ZMYM6: variants seen among roughly 807,000 people sequenced by gnomAD.
The protein encoded by ZMYM6 is zinc finger MYM-type protein 6.
Under a neutral mutation model 134.0 loss-of-function variants are expected in ZMYM6, and 90 were observed. The observed-to-expected ratio is 0.67, with a 90% CI of 0.57 to 0.80. The LOEUF is 0.80. ZMYM6 is among the 30% of genes least tolerant of loss of function. ZMYM6 has a pLI of 0.00. For synonymous variants in ZMYM6, 481 were observed against 524.1 expected, an observed-to-expected ratio of 0.92 and a Z score of 1.12; for missense variants, 1,362 against 1,533.9, an observed-to-expected ratio of 0.89 and a Z score of 1.87.
Position 35,031,849 on chromosome 1 carries a change from G to C in ZMYM6, c.-109C>G, listed in dbSNP as rs1319221532. 1 of 152,414 alleles carries C rather than the reference G, an allele frequency of 6.6e-6. No homozygotes were observed. Among genetic ancestry groups the C allele is most frequent in the East Asian group, 1.9e-4 (1 of 5,202 alleles). The allele number at this position is 152,414 out of a possible 1,614,324, so 9.4% of individuals were successfully genotyped here. A position where few individuals can be genotyped will look rare whatever the true frequency, so the allele number is the denominator to read the frequency against. Reference sequence around the variant, plus strand: ...CCTCCCTGCTACCGGAGGAGCACTGGAATAGGAACCAAGTCCTCTGCATCT... The same window carrying C: ...CCTCCCTGCTACCGGAGGAGCACTGCAATAGGAACCAAGTCCTCTGCATCT... On this transcript the variant is annotated 5_prime_UTR_variant, in exon 1 of 16. Coordinates refer to ENST00000357182, the MANE Select transcript of ZMYM6 (RefSeq NM_007167.4).
At chr1:35,028,317 CAA>C (rs200029753) in intron 2 of ZMYM6, among the ~76,000 whole-genome samples, 4 of 106,954 alleles carry the variant, frequency 3.7e-5, no homozygotes, top group Non-Finnish European at 6.0e-5. Context: ...GACTCCATCT[CAA>C]AAAAAAAAAA....
chr1:35,008,629 C>T (rs1277281865), intron 11 of ZMYM6, 123 bp downstream of exon 11: 1 of 901,560 alleles, frequency 1.1e-6, no homozygotes, highest in Non-Finnish European at 1.6e-6. Flanking sequence ...TCTATTATAG[C>T]CCATAACTTA....
At chr1:35,025,944 T>C (rs1454707470) in intron 2 of ZMYM6, among the ~76,000 whole-genome samples, 1 of 152,166 alleles carries the variant, frequency 6.6e-6, no homozygotes, top group African/African-American at 2.4e-5. Context: ...TGTTCAAGTA[T>C]TATGGATTAC....
At chr1:35,019,902 T>A (rs922975330) in intron 3 of ZMYM6, among the ~76,000 whole-genome samples, 11 of 152,072 alleles carry the variant, frequency 7.2e-5, no homozygotes, top group African/African-American at 2.7e-4. Context: ...ACACCTGAGC[T>A]CAAGCGATCC....
intron 6 of ZMYM6, chr1:35,013,575 T>C: frequency 2.0e-6 from 2 of 985,452 alleles, no homozygotes; most frequent in Non-Finnish European, 2.4e-6. Context: ...GAGATTCTTT[T>C]CAGTGATGAA....
In ZMYM6 at chr1:35,014,818, T is replaced by C. The variant is rs771758336; in HGVS notation, c.674A>G (p.His225Arg). 3 of 1,614,002 alleles carry C rather than the reference T, an allele frequency of 1.9e-6. No homozygotes were observed. The highest frequency in any genetic ancestry group is 1.3e-5 in the African/African-American group (1 of 74,900). Residue 225 changes from histidine to arginine, a missense_variant, in exon 6 of 16, where the codon CAC becomes CGC. By Grantham distance (29) the His-to-Arg change is conservative. Around this residue, in one of 3 missense-constraint regions of ZMYM6, gnomAD observed 503 missense variants for 520.8 expected, o/e 0.97. Coordinates refer to ENST00000357182, the MANE Select transcript of ZMYM6 (RefSeq NM_007167.4). ...GTTCATGGTGAGGTTGTTTGTAGAG[T>C]GAAATTTTGAAAAACAGGCATCACT... ...LCSDACFSKFHSTNNLTMNCC... is the reference protein window; with the variant it reads ...LCSDACFSKFRSTNNLTMNCC...
At chr1:35,019,748 C>T (rs1641272026) in intron 3 of ZMYM6, 146 bp from the exon 4 acceptor site, 7 of 1,009,806 alleles carry the variant, frequency 6.9e-6, no homozygotes, top group Non-Finnish European at 9.7e-6. Context: ...TCAAGGCTCA[C>T]TGAAGCCTCA....
intron 2 of ZMYM6, chr1:35,030,329 G>A (rs1431842296): frequency 3.8e-6 from 2 of 521,912 alleles, no homozygotes; most frequent in South Asian, 2.7e-5. Flanking sequence ...CTACACAGGA[G>A]GCTGAGGTGG....
chr1:35,024,996 G>A (rs1395049063), intron 2 of ZMYM6, among the ~76,000 whole-genome samples: 1 of 151,940 alleles, frequency 6.6e-6, no homozygotes, highest in Non-Finnish European at 1.5e-5. Context: ...AGCCTCCCCA[G>A]TAGCTGAGAT....
chr1:34,991,133 G>C (rs748743273), intron 15 of ZMYM6, among the ~76,000 whole-genome samples: 9 of 151,980 alleles, frequency 5.9e-5, no homozygotes, highest in Non-Finnish European at 1.0e-4. Context: ...CAAAGTGCTG[G>C]GATTATAGGC....
At chr1:35,011,807 G>T in intron 8 of ZMYM6, 83 bp downstream of exon 8, 2 of 970,882 alleles carry the variant, frequency 2.1e-6, no homozygotes, top group South Asian at 6.5e-5. Flanking sequence ...ACTTTCATAA[G>T]AACAGGCCTT....
At chr1:35,009,652 G>A (rs2148452377) in intron 10 of ZMYM6, among the ~76,000 whole-genome samples, 1 of 152,216 alleles carries the variant, frequency 6.6e-6, no homozygotes, top group East Asian at 1.9e-4. Context: ...CTGACTTTCA[G>A]CCAGGCACAG....
Position 35,014,743 on chromosome 1 carries a change from T to G in ZMYM6, c.749A>C (p.Gln250Pro). Residue 250 changes from glutamine to proline, a missense_variant, in exon 6 of 16, where the codon CAA becomes CCA. By Grantham distance (76) the Gln-to-Pro change is moderately conservative (BLOSUM62 -1). This residue lies in a region of ZMYM6 where 503 missense variants were observed against 520.8 expected (regional missense o/e 0.97). Coordinates refer to ENST00000357182, the MANE Select transcript of ZMYM6 (RefSeq NM_007167.4). The part of the protein sequence containing the change: ...SYCYSSSGPC[Q>P]SQKVFSSTSV... ...TGTTGAACTAAAAACCTTCTGGGATTGGCAAGGACCAGAGCTACTATAGCA... is the reference window on the plus strand; with the variant it reads ...TGTTGAACTAAAAACCTTCTGGGATGGGCAAGGACCAGAGCTACTATAGCA... 1 of 1,614,132 alleles carries G rather than the reference T, an allele frequency of 6.2e-7. No homozygotes were observed. Among genetic ancestry groups the G allele is most frequent in the Non-Finnish European group, 8.5e-7 (1 of 1,180,016 alleles).
intron 6 of ZMYM6, 101 bp downstream of exon 6, chr1:35,014,596 T>C: frequency 4.4e-6 from 5 of 1,126,008 alleles, no homozygotes; most frequent in Non-Finnish European, 6.3e-6. Context: ...CATATCAGGA[T>C]GGACTAATGG....
At chr1:34,991,417 C>T (rs910372616) in intron 15 of ZMYM6, among the ~76,000 whole-genome samples, 4 of 152,160 alleles carry the variant, frequency 2.6e-5, no homozygotes, top group East Asian at 1.9e-4. Context: ...AAACTTACTA[C>T]TTGTTGACAG....
In ZMYM6 at chr1:34,990,901, G is replaced by A. The variant is rs567761116; in HGVS notation, c.2146+1333C>T. Among the ~76,000 whole-genome samples, 9 of 152,266 alleles carry A rather than the reference G, an allele frequency of 5.9e-5. No individual in the cohort carries two copies. In the South Asian group the frequency reaches 1.9e-3, roughly 32 times the overall value. On this transcript the variant is annotated intron_variant, in intron 15 of 15. Coordinates refer to ENST00000357182, the MANE Select transcript of ZMYM6 (RefSeq NM_007167.4). Reference sequence around the variant, plus strand: ...TTAAAAGAGACGGAGTTTCACTCTTGTTGCCCAGGTTGGAGCACAATGGCG... The same window carrying A: ...TTAAAAGAGACGGAGTTTCACTCTTATTGCCCAGGTTGGAGCACAATGGCG...
At chr1:34,993,461 A>G (rs957963166) in intron 14 of ZMYM6, among the ~76,000 whole-genome samples, 1 of 152,190 alleles carries the variant, frequency 6.6e-6, no homozygotes, top group African/African-American at 2.4e-5. Context: ...ATCAAAGTAG[A>G]AAAGACTGAT....
At chr1:34,992,695 TAAA>T (rs1261504697) in intron 14 of ZMYM6, among the ~76,000 whole-genome samples, 2 of 139,630 alleles carry the variant, frequency 1.4e-5, no homozygotes, top group South Asian at 2.1e-4. Context: ...AATATAAAAA[TAAA>T]AATATACTTA....
At position 35,000,247 on chromosome 1, in the gene ZMYM6, T is replaced by C. The variant is rs1341311351; in HGVS notation, c.1992+3721A>G. Among the ~76,000 whole-genome samples the C allele has an allele frequency of 2.0e-4, 20 of 98,700 alleles. No homozygotes were observed. The African/African-American group carries it at 4.9e-3, about 24-fold the overall frequency. The allele number at this position is 98,700 out of a possible 152,430, so 64.8% of individuals were successfully genotyped here. A position where few individuals can be genotyped will look rare whatever the true frequency, so the allele number is the denominator to read the frequency against. ...CTTCGCCCCAGAGATTTTTTTTTTC[T>C]TTTTTTTTGTTTTTGAGACAGGGTC... On this transcript the variant is annotated intron_variant, in intron 14 of 15. Transcript: ENST00000357182.
Sources: allele counts gnomAD v4.1 joint callset (sites outside exome capture counted in the v4.1 genomes callset), GRCh38; gene constraint gnomAD v4.1.1; regional missense constraint gnomAD v4.1.1; transcripts MANE v1.5; gene names NCBI Gene and HGNC (gene_info 2026-07-23, HGNC 2026-07-21).